Variants in ZNF804B observed in about 807,000 individuals in gnomAD.
The protein encoded by ZNF804B is zinc finger protein 804B, also known as zinc finger 804B.
In ZNF804B, 80 loss-of-function variants were observed where a neutral mutation model predicts 101.4. The ratio of observed to expected loss-of-function variants is 0.79; its 90% CI spans 0.66 to 0.95. The LOEUF is 0.95. ZNF804B is among the 40% of genes least tolerant of loss of function. The pLI is 0.00. For missense variants in ZNF804B, 1,673 were observed against 1,561.9 expected (o/e 1.07, Z -1.20); for synonymous variants, 622 against 558.8 (o/e 1.11, Z -1.59).
chr7:88,852,507 A>G (rs773634609), intron 1 of ZNF804B, among the ~76,000 whole-genome samples: 1 of 151,980 alleles, frequency 6.6e-6, no homozygotes, highest in Non-Finnish European at 1.5e-5. Flanking sequence ...CACTCCCAAT[A>G]AGACTCAGAT....
At chr7:89,006,398 ATTG>A (rs1385873828) in intron 1 of ZNF804B, among the ~76,000 whole-genome samples, 5 of 152,086 alleles carry the variant, frequency 3.3e-5, no homozygotes, top group Non-Finnish European at 7.4e-5. Context: ...TCTGTTCACA[ATTG>A]TAAAGGCATT....
At chr7:89,220,152 T>TGTATATACGCAC (rs1788980695) in intron 2 of ZNF804B, among the ~76,000 whole-genome samples, 2 of 37,092 alleles carry the variant, frequency 5.4e-5, no homozygotes, top group African/African-American at 2.4e-4. Flanking sequence ...TGTATATACA[T>TGTATATACGCAC]ATATATATAC....
At chr7:89,254,257 G>A (rs1405849786) in intron 2 of ZNF804B, among the ~76,000 whole-genome samples, 1 of 151,896 alleles carries the variant, frequency 6.6e-6, no homozygotes, top group East Asian at 1.9e-4. Flanking sequence ...ATTTAGTCAT[G>A]TTACTAGATA....
chr7:89,039,553 A>T (rs1788983114), intron 1 of ZNF804B, among the ~76,000 whole-genome samples: 1 of 151,898 alleles, frequency 6.6e-6, no homozygotes, highest in South Asian at 2.1e-4. Flanking sequence ...CTGCAAATTG[A>T]ATTTATTTAT....
intron 2 of ZNF804B, among the ~76,000 whole-genome samples, chr7:89,266,985 G>A (rs539520238): frequency 4.8e-4 from 73 of 152,100 alleles, no homozygotes; most frequent in African/African-American, 1.6e-3. Flanking sequence ...ATAATTCTGT[G>A]CTACTAAATT....
intron 1 of ZNF804B, among the ~76,000 whole-genome samples, chr7:89,170,165 T>G (rs1483979770): frequency 1.3e-5 from 2 of 152,190 alleles, no homozygotes; most frequent in Non-Finnish European, 2.9e-5. Flanking sequence ...TTTGATAAAT[T>G]TTGTATGAAA....
intron 1 of ZNF804B, among the ~76,000 whole-genome samples, chr7:88,787,772 C>T (rs1367079090): frequency 6.6e-6 from 1 of 152,096 alleles, no homozygotes; most frequent in African/African-American, 2.4e-5. Flanking sequence ...TTCAGTTCAG[C>T]AATTTGACAC....
intron 1 of ZNF804B, among the ~76,000 whole-genome samples, chr7:89,120,961 C>A (rs1790395615): frequency 6.6e-6 from 1 of 152,174 alleles, no homozygotes. Context: ...GCCACTATTT[C>A]TGTGACACCT....
At chr7:89,297,607 G>A (rs375011790) in intron 2 of ZNF804B, among the ~76,000 whole-genome samples, 1 of 152,010 alleles carries the variant, frequency 6.6e-6, no homozygotes, top group Non-Finnish European at 1.5e-5. Flanking sequence ...TTATTTGGGG[G>A]TAGGGTACCT....
At chr7:89,190,851 C>A (rs1048289511) in intron 1 of ZNF804B, among the ~76,000 whole-genome samples, 1 of 152,100 alleles carries the variant, frequency 6.6e-6, no homozygotes. Flanking sequence ...TGATTGTTAG[C>A]ATTTTTTAGC....
At chr7:88,971,298 A>G (rs1793534353) in intron 1 of ZNF804B, among the ~76,000 whole-genome samples, 1 of 151,710 alleles carries the variant, frequency 6.6e-6, no homozygotes, top group African/African-American at 2.4e-5. Context: ...CAGCATATGG[A>G]CATTTATTCC....
At chr7:88,857,086 A>G (rs971025780) in intron 1 of ZNF804B, among the ~76,000 whole-genome samples, 4 of 152,160 alleles carry the variant, frequency 2.6e-5, no homozygotes, top group Non-Finnish European at 4.4e-5. Flanking sequence ...ACAACATACC[A>G]GAATCTCTGG....
intron 2 of ZNF804B, among the ~76,000 whole-genome samples, chr7:89,223,390 A>G (rs1789034863): frequency 6.6e-6 from 1 of 151,872 alleles, no homozygotes; most frequent in African/African-American, 2.4e-5. Context: ...CCACCGCTTA[A>G]TAAGTAATTT....
intron 2 of ZNF804B, among the ~76,000 whole-genome samples, chr7:89,265,291 T>TGCGCGC (rs1380868471): frequency 1.6e-5 from 1 of 63,680 alleles, no homozygotes; most frequent in Admixed American, 1.2e-4. Context: ...TGTGTGTGTG[T>TGCGCGC]GTGCGCGTGC....
At chr7:89,235,003 A>G (rs1336875631) in intron 2 of ZNF804B, among the ~76,000 whole-genome samples, 1 of 152,164 alleles carries the variant, frequency 6.6e-6, no homozygotes, top group African/African-American at 2.4e-5. Flanking sequence ...AATTTGGACT[A>G]TTACACCATC....
intron 1 of ZNF804B, among the ~76,000 whole-genome samples, chr7:88,870,958 TTAA>T (rs1404000533): frequency 1.3e-5 from 2 of 152,176 alleles, no homozygotes; most frequent in Admixed American, 6.5e-5. Flanking sequence ...ATTAATTGTG[TTAA>T]TAAGATTCAG....
intron 1 of ZNF804B, among the ~76,000 whole-genome samples, chr7:89,068,075 C>T (rs1211382911): frequency 2.0e-5 from 3 of 149,340 alleles, no homozygotes; most frequent in Non-Finnish European, 3.0e-5. Flanking sequence ...TGACAGTGCA[C>T]TCAAATGTTA....
intron 1 of ZNF804B, among the ~76,000 whole-genome samples, chr7:89,058,938 C>T (rs930298829): frequency 2.8e-5 from 3 of 106,604 alleles, no homozygotes; most frequent in South Asian, 3.8e-4. Flanking sequence ...AAGTGATCTT[C>T]GAAGTTTGGC....
chr7:89,320,018 T>G (rs2115965865), intron 2 of ZNF804B, among the ~76,000 whole-genome samples: 1 of 147,192 alleles, frequency 6.8e-6, no homozygotes, highest in African/African-American at 2.5e-5. Flanking sequence ...CATCAAGAGG[T>G]ATAATAGTCA....
Sources: gnomAD v4.1 joint callset for allele counts (sites outside exome capture counted in the v4.1 genomes callset) on GRCh38, gnomAD v4.1.1 for gene constraint, MANE v1.5 for transcripts, NCBI Gene and HGNC (gene_info 2026-07-23, HGNC 2026-07-21) for gene names.